The following KCNIP4 variants were observed in gnomAD, a reference collection of about 807,000 sequenced individuals.
The protein encoded by KCNIP4 is Kv channel-interacting protein 4.
Under a neutral mutation model 34.0 loss-of-function variants are expected in KCNIP4, and 12 were observed. The observed-to-expected ratio is 0.35, with a 90% CI of 0.23 to 0.57. The LOEUF (loss-of-function observed/expected upper bound fraction) is 0.57. KCNIP4 is among the 20% of genes least tolerant of loss of function. The probability of loss-of-function intolerance (pLI) is 0.83; values close to 1 mark genes in which losing one functional copy is unlikely to be tolerated. For missense variants in KCNIP4, 238 were observed against 311.7 expected (o/e 0.76, Z 1.78); for synonymous variants, 124 against 102.2 (o/e 1.21, Z -1.29).
intron 1 of KCNIP4, among the ~76,000 whole-genome samples, chr4:21,915,946 C>T (rs1237015498): frequency 5.9e-5 from 9 of 152,188 alleles, no homozygotes; most frequent in Admixed American, 5.9e-4. Flanking sequence ...GCTGCTGAGA[C>T]ATTTCCCCAT....
intron 1 of KCNIP4, among the ~76,000 whole-genome samples, chr4:21,747,238 G>A (rs1264052805): frequency 6.6e-6 from 1 of 152,102 alleles, no homozygotes; most frequent in African/African-American, 2.4e-5. Flanking sequence ...AAAAGATGGA[G>A]ATCCCTATCA....
chr4:20,831,806 T>C (rs923675), intron 3 of KCNIP4, among the ~76,000 whole-genome samples: 118,533 of 152,190 alleles, frequency 0.78, 46,320 homozygotes, highest in South Asian at 0.85. Flanking sequence ...GATTACATGG[T>C]GCCTTGATTC....
intron 1 of KCNIP4, among the ~76,000 whole-genome samples, chr4:21,172,089 G>A (rs778736169): frequency 4.6e-5 from 7 of 152,176 alleles, no homozygotes; most frequent in East Asian, 1.9e-4. Flanking sequence ...GTGCAGTGGC[G>A]TGATCTTGGC....
chr4:21,177,110 C>A (rs1185909486), intron 1 of KCNIP4, among the ~76,000 whole-genome samples: 1 of 152,068 alleles, frequency 6.6e-6, no homozygotes, highest in Non-Finnish European at 1.5e-5. Flanking sequence ...GTGCAATTGG[C>A]TTATTCACTC....
At chr4:21,420,424 T>A (rs189241557) in intron 1 of KCNIP4, among the ~76,000 whole-genome samples, 93 of 152,306 alleles carry the variant, frequency 6.1e-4, no homozygotes, top group Middle Eastern at 3.4e-3. Flanking sequence ...CCAGTTAATC[T>A]ATTGTCCACA....
chr4:21,414,007 C>T (rs1724734345), intron 1 of KCNIP4, among the ~76,000 whole-genome samples: 1 of 152,126 alleles, frequency 6.6e-6, no homozygotes, highest in South Asian at 2.1e-4. Flanking sequence ...TTATCCTGCG[C>T]CTACCTGTGT....
chr4:20,871,949 C>G (rs1723513821), intron 2 of KCNIP4, among the ~76,000 whole-genome samples: 1 of 152,056 alleles, frequency 6.6e-6, no homozygotes, highest in African/African-American at 2.4e-5. Context: ...CTTTGCAAAA[C>G]AAAGCATGAA....
At chr4:21,251,970 C>T (rs1264978725) in intron 1 of KCNIP4, among the ~76,000 whole-genome samples, 1 of 150,852 alleles carries the variant, frequency 6.6e-6, no homozygotes, top group African/African-American at 2.4e-5. Flanking sequence ...ATGTAACTAA[C>T]CTGCACATTG....
chr4:20,786,202 C>T lies in KCNIP4; in HGVS notation c.289-27312G>A, dbSNP rs563606312. 5.9e-5 allele frequency among the ~76,000 whole-genome samples: 9 copies of T among 152,110 alleles called. No homozygotes were observed. In the South Asian group the frequency reaches 1.7e-3, roughly 28 times the overall value. ...CGTAAACTCACACAGGAACAGAAAA[C>T]CAAATACTGCATGTACTCACTTATA... On this transcript the variant is annotated intron_variant, in intron 3 of 8. Coordinates refer to ENST00000382152, the MANE Select transcript of KCNIP4 (RefSeq NM_025221.6).
intron 1 of KCNIP4, among the ~76,000 whole-genome samples, chr4:21,284,720 G>T (rs1473401249): frequency 6.9e-6 from 1 of 144,628 alleles, no homozygotes; most frequent in African/African-American, 2.7e-5. Flanking sequence ...CTGTTACTGC[G>T]CATGTGGGTG....
intron 1 of KCNIP4, among the ~76,000 whole-genome samples, chr4:21,772,763 C>A (rs145174347): frequency 6.6e-6 from 1 of 151,966 alleles, no homozygotes; most frequent in Non-Finnish European, 1.5e-5. Context: ...CAGTCAGTGA[C>A]GATACCCCCT....
chr4:21,646,253 A>C (rs1215372068), intron 1 of KCNIP4, among the ~76,000 whole-genome samples: 1 of 152,180 alleles, frequency 6.6e-6, no homozygotes, highest in African/African-American at 2.4e-5. Flanking sequence ...TGAACTGATC[A>C]AATTGGTTGA....
chr4:21,172,085 T>C (rs1016538068), intron 1 of KCNIP4, among the ~76,000 whole-genome samples: 4 of 152,214 alleles, frequency 2.6e-5, no homozygotes, highest in African/African-American at 9.6e-5. Flanking sequence ...TGCAGTGCAG[T>C]GGCGTGATCT....
chr4:21,445,282 T>A (rs201088555), intron 1 of KCNIP4, among the ~76,000 whole-genome samples: 2 of 152,284 alleles, frequency 1.3e-5, no homozygotes, highest in East Asian at 3.9e-4. Flanking sequence ...ACTTTAAAGT[T>A]CATATGGAAC....
intron 3 of KCNIP4, among the ~76,000 whole-genome samples, chr4:20,816,137 C>T (rs1261215484): frequency 6.6e-6 from 1 of 151,728 alleles, no homozygotes; most frequent in Non-Finnish European, 1.5e-5. Flanking sequence ...CCTGTAGTCC[C>T]AGCTACTTGG....
At chr4:21,809,968 C>A (rs1316764812) in intron 1 of KCNIP4, among the ~76,000 whole-genome samples, 1 of 152,098 alleles carries the variant, frequency 6.6e-6, no homozygotes, top group Non-Finnish European at 1.5e-5. Context: ...GCCTCCTATG[C>A]TTAGAATGCA....
chr4:20,892,266 A>T (rs1725996921), intron 1 of KCNIP4, among the ~76,000 whole-genome samples: 1 of 152,200 alleles, frequency 6.6e-6, no homozygotes, highest in South Asian at 2.1e-4. Context: ...GCTGAAAACG[A>T]TCTACAGATT....
At chr4:21,276,049 C>G (rs933183792) in intron 1 of KCNIP4, among the ~76,000 whole-genome samples, 1 of 152,148 alleles carries the variant, frequency 6.6e-6, no homozygotes, top group South Asian at 2.1e-4. Flanking sequence ...CTACATGTGG[C>G]CTGCAGGCAG....
intron 1 of KCNIP4, among the ~76,000 whole-genome samples, chr4:21,149,359 C>T (rs549226893): frequency 6.6e-6 from 1 of 152,096 alleles, no homozygotes; most frequent in Non-Finnish European, 1.5e-5. Context: ...ATAACTGGAG[C>T]TTTAGGACCC....
Sources: allele counts gnomAD v4.1 joint callset (sites outside exome capture counted in the v4.1 genomes callset), GRCh38; gene constraint gnomAD v4.1.1; transcripts MANE v1.5; gene names NCBI Gene and HGNC (gene_info 2026-07-23, HGNC 2026-07-21).